The following SEMA5A variants were observed in gnomAD, a reference collection of about 807,000 sequenced individuals.
SEMA5A encodes the protein semaphorin 5A, also known as semaphorin-5A.
In SEMA5A, 55 loss-of-function variants were observed where a neutral mutation model predicts 135.5. The ratio of observed to expected loss-of-function variants is 0.41; its 90% CI spans 0.33 to 0.51. SEMA5A has a LOEUF of 0.51. Ranked by LOEUF, SEMA5A falls within the 20% of genes least tolerant of loss-of-function variation. The pLI is 0.37. For synonymous variants in SEMA5A, 580 were observed against 546.5 expected (o/e 1.06, Z -0.85); for missense variants, 1,290 against 1,419.9 (o/e 0.91, Z 1.47).
rs113414700 is a variant in SEMA5A at position 9,200,390 on chromosome 5, A to G, written c.932+1565T>C. On this transcript the variant is annotated intron_variant, in intron 9 of 22. Transcript: ENST00000382496. ...GTTTTGTTTTGTTTTGCCCAGAGCC[A>G]GGGGAATGAAGAGCTAAGTAAACCA... 5.5e-3 allele frequency among the ~76,000 whole-genome samples: 836 copies of G among 152,318 alleles called. 10 individuals carry two copies. The highest frequency in any genetic ancestry group is 0.019 in the African/African-American group (790 of 41,560).
intron 5 of SEMA5A, among the ~76,000 whole-genome samples, chr5:9,285,574 G>A (rs576165500): frequency 1.2e-3 from 180 of 152,254 alleles, no homozygotes; most frequent in Non-Finnish European, 2.1e-3. Context: ...AACTAGCCAG[G>A]CTTGGTTCTT....
At chr5:9,384,348 C>T (rs991558021) in intron 2 of SEMA5A, among the ~76,000 whole-genome samples, 9 of 152,038 alleles carry the variant, frequency 5.9e-5, no homozygotes, top group East Asian at 1.9e-4. Context: ...TTAGTGCTCA[C>T]GCTCAGCACT....
At chr5:9,426,410 G>A (rs1354308475) in intron 2 of SEMA5A, among the ~76,000 whole-genome samples, 1 of 59,014 alleles carries the variant, frequency 1.7e-5, no homozygotes, top group East Asian at 3.5e-4. Flanking sequence ...TGGCAACAGA[G>A]CGAGACTCCA....
chr5:9,226,384 T>A (rs1747311735), intron 7 of SEMA5A, among the ~76,000 whole-genome samples: 3 of 152,228 alleles, frequency 2.0e-5, no homozygotes. Context: ...AGAGGATCAG[T>A]TATAACTGGA....
intron 13 of SEMA5A, among the ~76,000 whole-genome samples, chr5:9,126,295 C>T (rs549801843): frequency 9.2e-5 from 14 of 152,026 alleles, no homozygotes; most frequent in South Asian, 2.1e-4. Context: ...GAGTGATACC[C>T]GTCTTATTCC....
At chr5:9,525,176 G>A (rs1302126596) in intron 1 of SEMA5A, among the ~76,000 whole-genome samples, 1 of 152,232 alleles carries the variant, frequency 6.6e-6, no homozygotes, top group Non-Finnish European at 1.5e-5. Flanking sequence ...ACACAGTCAT[G>A]TCATATGTTT....
At chr5:9,271,637 C>G (rs1174249817) in intron 5 of SEMA5A, among the ~76,000 whole-genome samples, 1 of 152,164 alleles carries the variant, frequency 6.6e-6, no homozygotes, top group Non-Finnish European at 1.5e-5. Context: ...AAGATCAATG[C>G]AGAAGGTGGG....
intron 17 of SEMA5A, 76 bp downstream of exon 17, chr5:9,066,345 G>T: frequency 7.2e-7 from 1 of 1,387,812 alleles, no homozygotes; most frequent in Non-Finnish European, 1.0e-6. Context: ...ATGCCCCCTT[G>T]CTGTTTATGA....
chr5:9,149,638 G>A (rs1014302543), intron 12 of SEMA5A, among the ~76,000 whole-genome samples: 2 of 152,004 alleles, frequency 1.3e-5, no homozygotes, highest in African/African-American at 2.4e-5. Flanking sequence ...AGTGAGACTC[G>A]TCTCAAAAAC....
chr5:9,390,736 T>C (rs1198703632), intron 2 of SEMA5A, among the ~76,000 whole-genome samples: 1 of 150,654 alleles, frequency 6.6e-6, no homozygotes, highest in African/African-American at 2.4e-5. Context: ...GGTGAGTATA[T>C]TAAAAATAAA....
intron 12 of SEMA5A, among the ~76,000 whole-genome samples, chr5:9,150,639 TTCTC>T (rs1450037773): frequency 1.3e-5 from 2 of 152,178 alleles, no homozygotes; most frequent in African/African-American, 4.8e-5. Flanking sequence ...CAGGCAGGTG[TTCTC>T]TCACCACTCC....
At chr5:9,326,918 G>T (rs1752906085) in intron 4 of SEMA5A, among the ~76,000 whole-genome samples, 2 of 152,234 alleles carry the variant, frequency 1.3e-5, no homozygotes, top group East Asian at 3.9e-4. Context: ...ATTTAATCAT[G>T]TAACCAACTC....
chr5:9,399,571 GAAA>G (rs1016935786), intron 2 of SEMA5A, among the ~76,000 whole-genome samples: 8 of 152,100 alleles, frequency 5.3e-5, no homozygotes, highest in African/African-American at 1.9e-4. Flanking sequence ...GTGAATGTAT[GAAA>G]AATTATGAAA....
intron 7 of SEMA5A, 93 bp downstream of exon 7, chr5:9,226,776 G>A (rs1479548034): frequency 3.3e-6 from 3 of 918,576 alleles, no homozygotes; most frequent in Non-Finnish European, 5.2e-6. Flanking sequence ...GCAACACCTT[G>A]GTGTATAGAA....
At chr5:9,230,539 C>T (rs1261644896) in intron 6 of SEMA5A, among the ~76,000 whole-genome samples, 1 of 152,178 alleles carries the variant, frequency 6.6e-6, no homozygotes, top group African/African-American at 2.4e-5. Context: ...CGTGAGAATA[C>T]ATGAAGACAC....
chr5:9,232,412 A>G (rs1423764755), intron 6 of SEMA5A, among the ~76,000 whole-genome samples: 1 of 152,206 alleles, frequency 6.6e-6, no homozygotes, highest in Non-Finnish European at 1.5e-5. Flanking sequence ...GAATTGCATG[A>G]GCCTTTCAAA....
chr5:9,247,452 C>T (rs905959973), intron 5 of SEMA5A, among the ~76,000 whole-genome samples: 6 of 152,150 alleles, frequency 3.9e-5, no homozygotes, highest in African/African-American at 1.4e-4. Context: ...AAACAAACAA[C>T]ACTTCATACC....
At chr5:9,206,563 C>A (rs560762844) in intron 8 of SEMA5A, among the ~76,000 whole-genome samples, 5 of 152,196 alleles carry the variant, frequency 3.3e-5, no homozygotes, top group African/African-American at 1.2e-4. Context: ...ATGCCTAAAG[C>A]ATCAATATGG....
In SEMA5A at chr5:9,291,319, T is replaced by A. The variant is rs151170777; in HGVS notation, c.270+27053A>T. ...GGCTCTCCTGCATGCAACCTGCTGGTCATCCATCCACAACTGGAGTCTATT... is the reference window on the plus strand; with the variant it reads ...GGCTCTCCTGCATGCAACCTGCTGGACATCCATCCACAACTGGAGTCTATT... On this transcript the variant is annotated intron_variant, in intron 5 of 22. Coordinates refer to ENST00000382496, the MANE Select transcript of SEMA5A (RefSeq NM_003966.3). Among the ~76,000 whole-genome samples, 134 of 152,250 alleles carry A rather than the reference T, an allele frequency of 8.8e-4. 1 individual carries two copies. Among genetic ancestry groups the A allele is most frequent in the African/African-American group, 3.0e-3 (126 of 41,548 alleles).
Sources: allele counts gnomAD v4.1 joint callset (sites outside exome capture counted in the v4.1 genomes callset), GRCh38; gene constraint gnomAD v4.1.1; transcripts MANE v1.5; gene names NCBI Gene and HGNC (gene_info 2026-07-23, HGNC 2026-07-21).